The following SH3KBP1 variants were observed in gnomAD, a reference collection of about 807,000 sequenced individuals.
SH3KBP1 encodes SH3 domain-containing kinase-binding protein 1.
A neutral mutation model predicts 50.1 loss-of-function variants in SH3KBP1; 8 were observed. That is an observed-to-expected ratio of 0.16 (90% CI 0.09 to 0.29). SH3KBP1 has a LOEUF of 0.29. Ranked by LOEUF, SH3KBP1 falls within the 10% of genes least tolerant of loss-of-function variation. The pLI is 1.00. For synonymous variants in SH3KBP1, 227 were observed against 218.6 expected (o/e 1.04, Z -0.34); for missense variants, 377 against 535.2 (o/e 0.70, Z 2.92).
intron 8 of SH3KBP1, among the ~76,000 whole-genome samples, chrX:19,611,325 G>GT (rs958282527): frequency 7.2e-5 from 8 of 111,037 alleles, no homozygotes; most frequent in South Asian, 3.7e-4. Context: ...AATAACTTTG[G>GT]TTTTTTTTGT....
At chrX:19,885,528 C>CG (rs1194119599) in intron 1 of SH3KBP1, among the ~76,000 whole-genome samples, 1 of 111,825 alleles carries the variant, frequency 8.9e-6, no homozygotes. Context: ...GTAGGAAGTT[C>CG]TGAAGAATGA....
intron 7 of SH3KBP1, 73 bp from the exon 8 acceptor site, chrX:19,632,031 T>G: frequency 6.4e-6 from 4 of 620,171 alleles, no homozygotes; most frequent in Non-Finnish European, 1.0e-5. Flanking sequence ...AAATGATCTC[T>G]ATCACATTAA....
At chrX:19,588,155 C>T (rs2066625281) in intron 12 of SH3KBP1, 2 of 277,488 alleles carry the variant, frequency 7.2e-6, no homozygotes, top group African/African-American at 2.7e-5. Context: ...GTTCCTGGCT[C>T]GGGGTTCCAT....
At chrX:19,707,349 T>C (rs2063672937) in intron 3 of SH3KBP1, among the ~76,000 whole-genome samples, 2 of 112,049 alleles carry the variant, frequency 1.8e-5, no homozygotes, top group South Asian at 7.5e-4. Flanking sequence ...TGTGATGTGG[T>C]AGAGAAAAAA....
chrX:19,750,385 T>G (rs2065031382), intron 2 of SH3KBP1, among the ~76,000 whole-genome samples: 1 of 111,792 alleles, frequency 8.9e-6, no homozygotes, highest in Admixed American at 9.5e-5. Flanking sequence ...CTGCCTGGAT[T>G]ATAATCATGT....
At chrX:19,667,308 A>G (rs2062622477) in intron 6 of SH3KBP1, among the ~76,000 whole-genome samples, 2 of 112,001 alleles carry the variant, frequency 1.8e-5, no homozygotes, top group Non-Finnish European at 3.8e-5. Context: ...TGTACTTAAT[A>G]TCACTGAACT....
chrX:19,545,205 C>T (rs1252203157), intron 15 of SH3KBP1, among the ~76,000 whole-genome samples: 2 of 112,034 alleles, frequency 1.8e-5, no homozygotes, highest in Non-Finnish European at 3.8e-5. Flanking sequence ...AAAGAAGTTG[C>T]TAATATTCAG....
intron 1 of SH3KBP1, among the ~76,000 whole-genome samples, chrX:19,873,734 T>C (rs886675621): frequency 8.4e-5 from 9 of 107,156 alleles, no homozygotes; most frequent in African/African-American, 3.1e-4. Flanking sequence ...TTGGGAATGA[T>C]AGTAAGAGGA....
At chrX:19,648,294 GAGA>G (rs754835989) in intron 6 of SH3KBP1, among the ~76,000 whole-genome samples, 2 of 107,801 alleles carry the variant, frequency 1.9e-5, no homozygotes, top group African/African-American at 6.8e-5. Context: ...AGGAAAGAAG[GAGA>G]AGGAGGGAAG....
At chrX:19,565,011 G>A (rs1348420544) in intron 13 of SH3KBP1, among the ~76,000 whole-genome samples, 1 of 105,897 alleles carries the variant, frequency 9.4e-6, no homozygotes, top group Non-Finnish European at 1.9e-5. Context: ...GACCTAGAAG[G>A]TTTGGGCTCA....
chrX:19,879,041 C>T (rs1484376944), intron 1 of SH3KBP1, among the ~76,000 whole-genome samples: 4 of 111,943 alleles, frequency 3.6e-5, no homozygotes, highest in Non-Finnish European at 7.5e-5. Flanking sequence ...CCCAGGAGTT[C>T]GAGACCAGCC....
At chrX:19,833,925 T>G (rs541752303) in intron 2 of SH3KBP1, among the ~76,000 whole-genome samples, 1 of 111,749 alleles carries the variant, frequency 8.9e-6, no homozygotes, top group South Asian at 3.7e-4. Flanking sequence ...ACAGAGTCTG[T>G]GGTGGCCCAG....
At chrX:19,842,532 A>T (rs2068253257) in intron 1 of SH3KBP1, among the ~76,000 whole-genome samples, 1 of 111,797 alleles carries the variant, frequency 8.9e-6, no homozygotes, top group African/African-American at 3.2e-5. Flanking sequence ...TCTCAAAAAA[A>T]TAATAATATT....
At chrX:19,833,231 T>C (rs1372565891) in intron 2 of SH3KBP1, among the ~76,000 whole-genome samples, 3 of 73,513 alleles carry the variant, frequency 4.1e-5, no homozygotes, top group Admixed American at 1.5e-4. Context: ...CCACAGTCCT[T>C]CTTGCCTTCC....
chrX:19,661,331 C>T (rs561312637), intron 6 of SH3KBP1, among the ~76,000 whole-genome samples: 1 of 111,664 alleles, frequency 9.0e-6, no homozygotes, highest in South Asian at 3.7e-4. Context: ...TTACACACAG[C>T]CTTTCAAAGA....
chrX:19,661,829 G>T (rs1169436324), intron 6 of SH3KBP1, among the ~76,000 whole-genome samples: 2 of 110,823 alleles, frequency 1.8e-5, no homozygotes, highest in African/African-American at 6.6e-5. Context: ...GTTTCACCAT[G>T]TTGGCCAGGC....
At position 19,595,714 on chromosome X, in the gene SH3KBP1, T is replaced by C. The variant is rs767593926; in HGVS notation, c.1006-714A>G. 7.2e-5 allele frequency among the ~76,000 whole-genome samples: 8 copies of C among 110,777 alleles called. No homozygotes were observed. The East Asian group carries it at 2.3e-3, about 32-fold the overall frequency. Reference sequence around the variant, plus strand: ...TGAACTGGTTCCAGAGTAGCCAGCATTTTCTTGCCACCTAGGATTGACTGT... The same window carrying C: ...TGAACTGGTTCCAGAGTAGCCAGCACTTTCTTGCCACCTAGGATTGACTGT... On this transcript the variant is annotated intron_variant, in intron 9 of 17. Coordinates refer to ENST00000397821, the MANE Select transcript of SH3KBP1 (RefSeq NM_031892.3).
chrX:19,769,997 C>T lies in SH3KBP1; in HGVS notation c.163-23556G>A, dbSNP rs1192280634. ...CGGATTCATGGACAAACATCTGAAT[C>T]TAAAAATGGGCAAAGGTTATGAATA... is the stretch of plus-strand genomic sequence containing the variant. On this transcript the variant is annotated intron_variant, in intron 2 of 17. Transcript: ENST00000397821. Among the ~76,000 whole-genome samples the T allele has an allele frequency of 1.7e-4, 19 of 111,473 alleles. 1 individual carries two copies. The Admixed American group carries it at 1.8e-3, about 11-fold the overall frequency.
At chrX:19,734,479 C>T (rs1218316052) in intron 3 of SH3KBP1, among the ~76,000 whole-genome samples, 1 of 112,055 alleles carries the variant, frequency 8.9e-6, no homozygotes, top group Admixed American at 9.4e-5. Flanking sequence ...GGCAGACAGA[C>T]AGACATAGCA....
Sources: gnomAD v4.1 joint callset for allele counts (sites outside exome capture counted in the v4.1 genomes callset) on GRCh38, gnomAD v4.1.1 for gene constraint, MANE v1.5 for transcripts, NCBI Gene and HGNC (gene_info 2026-07-23, HGNC 2026-07-21) for gene names.